The following RPS6KC1 variants were observed in gnomAD, a reference collection of about 807,000 sequenced individuals.
RPS6KC1 encodes ribosomal protein S6 kinase C1.
RPS6KC1 carries 54 observed loss-of-function variants against 103.8 expected under a neutral mutation model. That is an observed-to-expected ratio of 0.52 (90% CI 0.42 to 0.65). The LOEUF (loss-of-function observed/expected upper bound fraction) is 0.65. Ranked by LOEUF, RPS6KC1 falls within the 30% of genes least tolerant of loss-of-function variation. The probability of loss-of-function intolerance (pLI) is 0.00; values close to 1 mark genes in which losing one functional copy is unlikely to be tolerated. For synonymous variants in RPS6KC1, 439 were observed against 438.7 expected, an observed-to-expected ratio of 1.00 and a Z score of -0.01; for missense variants, 1,151 against 1,253.8, an observed-to-expected ratio of 0.92 and a Z score of 1.24.
the RPS6KC1 span, among the ~76,000 whole-genome samples, chr1:213,381,378 G>C: frequency 3.3e-5 from 5 of 151,768 alleles, no homozygotes; most frequent in Non-Finnish European, 7.4e-5. Flanking sequence ...TGCTTATGGG[G>C]CCAACCTTAT....
chr1:213,633,477 C>T, the RPS6KC1 span, among the ~76,000 whole-genome samples: 359 of 152,186 alleles, frequency 2.4e-3, 2 homozygotes, highest in African/African-American at 8.3e-3. Flanking sequence ...GAAATAAAAT[C>T]CTTTACAGAC....
At chr1:213,325,898 T>C in the RPS6KC1 span, among the ~76,000 whole-genome samples, 1 of 152,198 alleles carries the variant, frequency 6.6e-6, no homozygotes, top group African/African-American at 2.4e-5. Context: ...CTGCTGCCCA[T>C]GTTCCCCTGG....
At chr1:213,750,361 G>A in the RPS6KC1 span, among the ~76,000 whole-genome samples, 1 of 152,224 alleles carries the variant, frequency 6.6e-6, no homozygotes, top group African/African-American at 2.4e-5. Context: ...GTCCTTCGCT[G>A]GAGTTATCCC....
At chr1:213,123,236 T>A (rs773671440) in intron 5 of RPS6KC1, among the ~76,000 whole-genome samples, 2 of 152,112 alleles carry the variant, frequency 1.3e-5, no homozygotes, top group Non-Finnish European at 2.9e-5. Flanking sequence ...CATGAGCTAC[T>A]TGCATACTGG....
chr1:213,409,033 A>G, the RPS6KC1 span, among the ~76,000 whole-genome samples: 1 of 152,060 alleles, frequency 6.6e-6, no homozygotes, highest in African/African-American at 2.4e-5. Context: ...AGGCCTCTTT[A>G]GAGGCCTCCT....
At chr1:213,550,897 C>T in the RPS6KC1 span, among the ~76,000 whole-genome samples, 1 of 152,166 alleles carries the variant, frequency 6.6e-6, no homozygotes, top group Non-Finnish European at 1.5e-5. Context: ...TTATGGCTTT[C>T]CCCACGACAG....
At chr1:213,471,709 T>C in the RPS6KC1 span, among the ~76,000 whole-genome samples, 1 of 152,122 alleles carries the variant, frequency 6.6e-6, no homozygotes, top group Admixed American at 6.5e-5. Flanking sequence ...TTTTTCCCCA[T>C]TTAAAAACAG....
the RPS6KC1 span, among the ~76,000 whole-genome samples, chr1:213,680,995 G>A: frequency 6.6e-6 from 1 of 152,210 alleles, no homozygotes; most frequent in South Asian, 2.1e-4. Flanking sequence ...GGCCCTTTTT[G>A]TCAGTTTTTA....
chr1:213,126,684 A>T (rs2148970997), intron 5 of RPS6KC1, among the ~76,000 whole-genome samples: 1 of 152,318 alleles, frequency 6.6e-6, no homozygotes, highest in East Asian at 1.9e-4. Context: ...TAGTTAAAAA[A>T]ATTAAAAGAA....
chr1:213,612,087 G>A, the RPS6KC1 span, among the ~76,000 whole-genome samples: 1 of 152,174 alleles, frequency 6.6e-6, no homozygotes, highest in African/African-American at 2.4e-5. Flanking sequence ...CTCAGATGTG[G>A]CCCCTCAGCC....
intron 8 of RPS6KC1, chr1:213,176,756 T>G (rs918543721): frequency 4.7e-5 from 12 of 256,794 alleles, no homozygotes; most frequent in Non-Finnish European, 7.7e-5. Flanking sequence ...TTTATAGAAG[T>G]GTTATAGCAG....
At chr1:213,613,311 C>T in the RPS6KC1 span, among the ~76,000 whole-genome samples, 1 of 152,220 alleles carries the variant, frequency 6.6e-6, no homozygotes, top group Non-Finnish European at 1.5e-5. Context: ...ATAGGTTGAT[C>T]TTTGTCATTT....
At chr1:213,258,522 A>G (rs1029963877) in intron 12 of RPS6KC1, among the ~76,000 whole-genome samples, 3 of 152,216 alleles carry the variant, frequency 2.0e-5, no homozygotes, top group Non-Finnish European at 4.4e-5. Flanking sequence ...CTATGGAGGA[A>G]TAGTGCCTAG....
chr1:213,143,351 T>G (rs184743740), intron 6 of RPS6KC1, among the ~76,000 whole-genome samples: 16 of 151,988 alleles, frequency 1.1e-4, no homozygotes, highest in Admixed American at 7.2e-4. Flanking sequence ...TGTTATGTAT[T>G]TTTTTTTCTT....
intron 7 of RPS6KC1, among the ~76,000 whole-genome samples, chr1:213,168,358 A>G (rs957802506): frequency 6.6e-6 from 1 of 152,250 alleles, no homozygotes; most frequent in African/African-American, 2.4e-5. Flanking sequence ...AAGTTATACA[A>G]GTATATGCTA....
chr1:213,215,513 A>G (rs2093635444), intron 8 of RPS6KC1, among the ~76,000 whole-genome samples: 1 of 152,242 alleles, frequency 6.6e-6, no homozygotes, highest in Non-Finnish European at 1.5e-5. Context: ...ATTCAAATTC[A>G]GAAAATACAG....
intron 6 of RPS6KC1, among the ~76,000 whole-genome samples, chr1:213,136,733 T>C (rs1050017462): frequency 6.6e-6 from 1 of 152,138 alleles, no homozygotes; most frequent in African/African-American, 2.4e-5. Flanking sequence ...CATGGGACAC[T>C]CCCATGTGAC....
At chr1:213,685,297 CTT>C in the RPS6KC1 span, among the ~76,000 whole-genome samples, 6 of 152,144 alleles carry the variant, frequency 3.9e-5, no homozygotes, top group Non-Finnish European at 5.9e-5. Context: ...GAATGGATAA[CTT>C]TAATTTCTTC....
chr1:213,339,558 A>T, the RPS6KC1 span, among the ~76,000 whole-genome samples: 1 of 152,252 alleles, frequency 6.6e-6, no homozygotes, highest in Non-Finnish European at 1.5e-5. Flanking sequence ...TTCTGGTAGC[A>T]TGGCAAAGTA....
Sources: allele counts gnomAD v4.1 joint callset (sites outside exome capture counted in the v4.1 genomes callset), GRCh38; gene constraint gnomAD v4.1.1; transcripts MANE v1.5; gene names NCBI Gene and HGNC (gene_info 2026-07-23, HGNC 2026-07-21).